The following GRM4 variants were observed in gnomAD, a reference collection of about 807,000 sequenced individuals.
GRM4 encodes the protein glutamate metabotropic receptor 4.
Under a neutral mutation model 81.7 loss-of-function variants are expected in GRM4, and 28 were observed. The observed-to-expected ratio is 0.34, with a 90% CI of 0.25 to 0.47. The LOEUF (loss-of-function observed/expected upper bound fraction) is 0.47, where lower values mean the gene tolerates loss of function less well. Among genes scored for constraint, GRM4 ranks in the 20% least tolerant of loss-of-function variants. The probability of loss-of-function intolerance (pLI) is 1.00; values close to 1 mark genes in which losing one functional copy is unlikely to be tolerated. For synonymous variants in GRM4, 488 were observed against 528.8 expected (o/e 0.92, Z 1.06); for missense variants, 948 against 1,290.0 (o/e 0.73, Z 4.06).
chr6:34,116,222 G>A lies in GRM4; in HGVS notation c.519+16756C>T, dbSNP rs904623708. Among the ~76,000 whole-genome samples, 5 of 152,340 alleles carry A rather than the reference G, an allele frequency of 3.3e-5. No homozygotes were observed. In the East Asian group the frequency reaches 5.8e-4, roughly 18 times the overall value. On this transcript the variant is annotated intron_variant, in intron 2 of 10. Coordinates refer to ENST00000538487, the MANE Select transcript of GRM4 (RefSeq NM_000841.4). ...AACTGCAGAATGAGCACCGGCTTCA[G>A]GGACAGGCAGCGCTGCAGGCCTCCC...
chr6:34,106,990 G>A (rs114097700), intron 2 of GRM4, among the ~76,000 whole-genome samples: 6 of 152,306 alleles, frequency 3.9e-5, no homozygotes, highest in African/African-American at 7.2e-5. Flanking sequence ...AGGAATGGAC[G>A]GGCCAAGTGG....
chr6:34,100,903 G>A (rs1428153005), intron 2 of GRM4, among the ~76,000 whole-genome samples: 3 of 152,234 alleles, frequency 2.0e-5, no homozygotes, highest in Admixed American at 2.0e-4. Context: ...CCGGGTCCCT[G>A]AGTAGAGTGC....
At position 34,089,480 on chromosome 6, in the gene GRM4, C is replaced by A. The variant is rs1419399036; in HGVS notation, c.736+2403G>T. Among the ~76,000 whole-genome samples, 1 of 152,090 alleles carries A rather than the reference C, an allele frequency of 6.6e-6. No homozygotes were observed. Among genetic ancestry groups the A allele is most frequent in the Middle Eastern group, 3.4e-3 (1 of 294 alleles). On this transcript the variant is annotated intron_variant, in intron 3 of 10. Transcript: ENST00000538487. The surrounding 1 kb of genome is among the most constrained non-coding windows in gnomAD (Gnocchi z 4.3). Reference sequence around the variant, plus strand: ...GACCTAGCTGCCTGAACTGCCCTGGCCAGGCCCCCGTAGGATGTTGCACAC... The same window carrying A: ...GACCTAGCTGCCTGAACTGCCCTGGACAGGCCCCCGTAGGATGTTGCACAC...
intron 6 of GRM4, chr6:34,055,576 C>T (rs1221557838): frequency 6.6e-6 from 1 of 152,228 alleles, no homozygotes. Flanking sequence ...TCATCATCCT[C>T]GATTAGGCAC....
At chr6:34,144,784 G>T (rs1437435413) in intron 1 of GRM4, among the ~76,000 whole-genome samples, 1 of 152,154 alleles carries the variant, frequency 6.6e-6, no homozygotes, top group Non-Finnish European at 1.5e-5. Context: ...CCCTCCATCC[G>T]GTGGAAGCCC....
Position 34,092,146 on chromosome 6 carries a change from C to T in GRM4, c.520-47G>A. 7.5e-7 allele frequency: 1 copy of T among 1,336,554 alleles called. No individual in the cohort carries two copies. 82.8% of individuals were successfully genotyped at this position (1,336,554 alleles called of 1,614,324 possible). A position where few individuals can be genotyped will look rare whatever the true frequency, so the allele number is the denominator to read the frequency against. The stretch of plus-strand genomic sequence containing the variant: ...TGAGGGTGGCGACTGGCTCCCCACC[C>T]TGCCTAGCCAGCCCCATTCCCCTAC... On this transcript the variant is annotated intron_variant, in intron 2 of 10. Transcript: ENST00000538487. This position sits in a 1 kb window ranked among gnomAD's most constrained non-coding sequence, Gnocchi z 6.8.
intron 10 of GRM4, chr6:34,024,474 G>A: frequency 2.9e-6 from 1 of 346,568 alleles, no homozygotes; most frequent in Non-Finnish European, 5.8e-6. Context: ...GATTTGAGCT[G>A]CTCAGTTCTG....
chr6:34,097,553 C>A (rs2127490845), intron 2 of GRM4, among the ~76,000 whole-genome samples: 1 of 152,340 alleles, frequency 6.6e-6, no homozygotes, highest in African/African-American at 2.4e-5. Context: ...CCAGCCCAGG[C>A]ATGCTGATAC....
upstream of GRM4, among the ~76,000 whole-genome samples, chr6:34,148,132 C>T (rs1304929230): frequency 2.6e-5 from 4 of 151,148 alleles, no homozygotes; most frequent in Non-Finnish European, 5.9e-5. Context: ...TGTTGGCTGG[C>T]AGATGGCTGA....
At chr6:34,056,445 A>C (rs1765886889) in intron 6 of GRM4, 99 bp downstream of exon 6, 1 of 1,129,914 alleles carries the variant, frequency 8.9e-7, no homozygotes, top group Admixed American at 2.3e-5. Context: ...CGGCCGGCCG[A>C]CGACAGACAA....
rs187940491 is a variant in GRM4, at chr6:34,074,002, G to A, written c.737-11974C>T. Reference sequence around the variant, plus strand: ...TATTCATGGAGCGGCTCTGTGGCCAGAACATTAAGGCAAAGCCCTCCTCTT... The same window carrying A: ...TATTCATGGAGCGGCTCTGTGGCCAAAACATTAAGGCAAAGCCCTCCTCTT... On this transcript the variant is annotated intron_variant, in intron 3 of 10. Transcript: ENST00000538487. The surrounding 1 kb of genome is among the most constrained non-coding windows in gnomAD (Gnocchi z 4.9). 0.017 allele frequency among the ~76,000 whole-genome samples: 2,644 copies of A among 152,302 alleles called. 62 individuals are homozygous for A. Among genetic ancestry groups the A allele is most frequent in the East Asian group, 0.079 (412 of 5,190 alleles).
Position 34,073,418 on chromosome 6 carries a change from C to G in GRM4, c.737-11390G>C, listed in dbSNP as rs1404135775. 2.0e-5 allele frequency among the ~76,000 whole-genome samples: 3 copies of G among 146,504 alleles called. No homozygotes were observed. In the South Asian group the frequency reaches 6.6e-4, roughly 32 times the overall value. On this transcript the variant is annotated intron_variant, in intron 3 of 10. Coordinates refer to ENST00000538487, the MANE Select transcript of GRM4 (RefSeq NM_000841.4). ...AGATACACACACAGTCACATACACA[C>G]CACACACACACACACACCATCATAC...
chr6:34,083,590 C>G (rs1398782090), intron 3 of GRM4, among the ~76,000 whole-genome samples: 2 of 152,128 alleles, frequency 1.3e-5, no homozygotes, highest in African/African-American at 4.8e-5. Context: ...CTAGAAAGCC[C>G]TGGTTGATAG....
At position 34,034,033 on chromosome 6, in the gene GRM4, C is replaced by G. The variant is rs898156210; in HGVS notation, c.2442+1635G>C. Among the ~76,000 whole-genome samples, 4 of 152,172 alleles carry G rather than the reference C, an allele frequency of 2.6e-5. No homozygotes were observed. Among genetic ancestry groups the G allele is most frequent in the Non-Finnish European group, 4.4e-5 (3 of 68,028 alleles). On this transcript the variant is annotated intron_variant, in intron 9 of 10. Coordinates refer to ENST00000538487, the MANE Select transcript of GRM4 (RefSeq NM_000841.4). The surrounding 1 kb of genome is among the most constrained non-coding windows in gnomAD (Gnocchi z 4.0). The stretch of plus-strand genomic sequence containing the variant: ...GGATTATAGGCATGAGCCACCACAC[C>G]CAGCCTTGGGCTCACAGCTCTAGAT...
At chr6:34,028,983 C>A (rs2127437205) in intron 9 of GRM4, among the ~76,000 whole-genome samples, 1 of 152,214 alleles carries the variant, frequency 6.6e-6, no homozygotes, top group South Asian at 2.1e-4. Context: ...GCTCGCTCGC[C>A]AGCACTAACA....
Position 34,136,569 on chromosome 6 carries a change from C to CGG in GRM4, c.-363-2711_-363-2710insCC, listed in dbSNP as rs1770466482. On this transcript the variant is annotated intron_variant, in intron 1 of 10. Transcript: ENST00000538487. This position sits in a 1 kb window ranked among gnomAD's most constrained non-coding sequence, Gnocchi z 4.1. ...CAGTGCATGCGCGCGTGCGGACACA[C>CGG]ACACACACACACACACACACACACA... Among the ~76,000 whole-genome samples the CGG allele has an allele frequency of 4.3e-5, 3 of 69,154 alleles. No homozygotes were observed. Among genetic ancestry groups the CGG allele is most frequent in the Admixed American group, 4.5e-4 (2 of 4,494 alleles). 45.4% of individuals were successfully genotyped at this position (69,154 alleles called of 152,430 possible). A position where few individuals can be genotyped will look rare whatever the true frequency, so the allele number is the denominator to read the frequency against.
intron 3 of GRM4, among the ~76,000 whole-genome samples, chr6:34,087,137 G>T (rs1581677261): frequency 1.4e-5 from 2 of 145,604 alleles, no homozygotes; most frequent in East Asian, 4.2e-4. Context: ...AAAAAAAAAA[G>T]GCCAGGCATG....
intron 2 of GRM4, among the ~76,000 whole-genome samples, chr6:34,097,292 A>G (rs892976362): frequency 6.6e-6 from 1 of 151,970 alleles, no homozygotes; most frequent in African/African-American, 2.4e-5. Flanking sequence ...TTTGAGGCCA[A>G]GGTGTTCCAG....
At chr6:34,079,279 A>G (rs1267305287) in intron 3 of GRM4, among the ~76,000 whole-genome samples, 4 of 151,688 alleles carry the variant, frequency 2.6e-5, no homozygotes, top group Non-Finnish European at 5.9e-5. Context: ...CAGCCAGGAC[A>G]CCCTCCCACC....
Sources: allele counts gnomAD v4.1 joint callset (sites outside exome capture counted in the v4.1 genomes callset), GRCh38; gene constraint gnomAD v4.1.1; non-coding constraint Gnocchi (gnomAD v3.1); transcripts MANE v1.5; gene names NCBI Gene and HGNC (gene_info 2026-07-23, HGNC 2026-07-21).